Variants in CSMD3 observed in about 807,000 individuals in gnomAD.
CSMD3 encodes the protein CUB and Sushi multiple domains 3.
In CSMD3, 177 loss-of-function variants were observed where a neutral mutation model predicts 435.2. That is an observed-to-expected ratio of 0.41 (90% CI 0.36 to 0.46). The LOEUF is 0.46. Among genes scored for constraint, CSMD3 ranks in the 20% least tolerant of loss-of-function variants. The pLI is 0.34. For synonymous variants in CSMD3, 1,656 were observed against 1,520.5 expected, an observed-to-expected ratio of 1.09 and a Z score of -2.07; for missense variants, 4,265 against 4,504.6, an observed-to-expected ratio of 0.95 and a Z score of 1.52.
At position 113,109,428 on chromosome 8, in the gene CSMD3, T is replaced by C. The variant is rs941016853; in HGVS notation, c.710-10465A>G. ...TGAACCTCTGAAATCAAAAATGATA[T>C]CTGCTTCTAAAATACAATGGTCAGA... On this transcript the variant is annotated intron_variant, in intron 4 of 70. Transcript: ENST00000297405. Among the ~76,000 whole-genome samples the C allele has an allele frequency of 4.6e-5, 7 of 152,178 alleles. No individual in the cohort carries two copies. The South Asian group carries it at 1.2e-3, about 27-fold the overall frequency.
chr8:113,260,187 G>A (rs550936954), intron 3 of CSMD3, among the ~76,000 whole-genome samples: 5 of 152,192 alleles, frequency 3.3e-5, no homozygotes, highest in African/African-American at 1.2e-4. Context: ...GTAACAGTAT[G>A]AGAATGGACC....
intron 42 of CSMD3, among the ~76,000 whole-genome samples, chr8:112,338,745 A>T (rs1270622198): frequency 6.6e-6 from 1 of 152,130 alleles, no homozygotes; most frequent in Non-Finnish European, 1.5e-5. Context: ...TGTCCTTTTC[A>T]TTTTAATTGA....
chr8:112,893,629 A>G (rs1310470084), intron 10 of CSMD3, among the ~76,000 whole-genome samples: 1 of 151,466 alleles, frequency 6.6e-6, no homozygotes, highest in East Asian at 2.0e-4. Context: ...CATATTTTGC[A>G]TATTCTCTGA....
At chr8:112,822,926 T>C (rs907654467) in intron 12 of CSMD3, among the ~76,000 whole-genome samples, 1 of 152,208 alleles carries the variant, frequency 6.6e-6, no homozygotes, top group Admixed American at 6.5e-5. Flanking sequence ...TCTTTTGTGA[T>C]GGATTACACT....
chr8:113,024,298 GTGTGTGTGTGTGTGTGTGTGTT>G (rs1398148458), intron 5 of CSMD3, among the ~76,000 whole-genome samples: 3 of 1,188 alleles, frequency 2.5e-3, no homozygotes, highest in South Asian at 0.042. Context: ...TTGTGTGTGT[GTGTGTGTGTGTGTGTGTGTGTT>G]TGTGTGTGTG....
At chr8:113,014,507 A>C (rs1037993790) in intron 6 of CSMD3, among the ~76,000 whole-genome samples, 4 of 152,048 alleles carry the variant, frequency 2.6e-5, no homozygotes, top group Non-Finnish European at 5.9e-5. Flanking sequence ...CTTATCAAGA[A>C]AAAATTAAAA....
intron 3 of CSMD3, among the ~76,000 whole-genome samples, chr8:113,204,106 G>C (rs2092744520): frequency 1.3e-5 from 2 of 152,032 alleles, no homozygotes; most frequent in Admixed American, 1.3e-4. Flanking sequence ...ATCATGAAGA[G>C]GTAGGTATCT....
At chr8:113,256,822 T>C (rs755745273) in intron 3 of CSMD3, among the ~76,000 whole-genome samples, 9 of 152,196 alleles carry the variant, frequency 5.9e-5, no homozygotes, top group Non-Finnish European at 1.3e-4. Context: ...TACAAGATTT[T>C]GCATTAAGTG....
At chr8:112,614,754 T>C (rs1026387449) in intron 22 of CSMD3, among the ~76,000 whole-genome samples, 7 of 152,240 alleles carry the variant, frequency 4.6e-5, no homozygotes, top group African/African-American at 1.4e-4. Flanking sequence ...TTAGTTTAAA[T>C]CCCATGTTCT....
At chr8:112,567,656 T>C (rs1444562645) in intron 24 of CSMD3, among the ~76,000 whole-genome samples, 1 of 152,164 alleles carries the variant, frequency 6.6e-6, no homozygotes, top group Admixed American at 6.6e-5. Flanking sequence ...ACACCAGATT[T>C]AGAAATCATT....
intron 28 of CSMD3, among the ~76,000 whole-genome samples, chr8:112,508,658 G>GA (rs1007495386): frequency 1.7e-4 from 26 of 151,244 alleles, no homozygotes; most frequent in African/African-American, 3.2e-4. Flanking sequence ...TCTAAAAAAA[G>GA]AAAAAAAAGC....
intron 22 of CSMD3, among the ~76,000 whole-genome samples, chr8:112,632,236 C>A (rs2074534852): frequency 6.6e-6 from 1 of 151,928 alleles, no homozygotes; most frequent in Admixed American, 6.6e-5. Context: ...TTGCTCTCTT[C>A]ATTTTTAAAC....
At chr8:112,984,304 ACAAAAAC>A (rs1310939408) in intron 6 of CSMD3, among the ~76,000 whole-genome samples, 5 of 152,048 alleles carry the variant, frequency 3.3e-5, no homozygotes, top group African/African-American at 1.2e-4. Flanking sequence ...AAAAGAACAA[ACAAAAAC>A]TGTCTTTTAA....
intron 24 of CSMD3, among the ~76,000 whole-genome samples, chr8:112,566,884 A>G (rs1829103980): frequency 6.6e-6 from 1 of 152,102 alleles, no homozygotes; most frequent in Non-Finnish European, 1.5e-5. Flanking sequence ...TGGACCTATG[A>G]AAATCAGACA....
At chr8:113,414,452 G>A (rs1324916553) in intron 1 of CSMD3, among the ~76,000 whole-genome samples, 1 of 151,808 alleles carries the variant, frequency 6.6e-6, no homozygotes. Flanking sequence ...GATACAGCCT[G>A]AATTATTTTT....
chr8:112,651,283 A>G (rs2131637439), intron 18 of CSMD3, among the ~76,000 whole-genome samples: 1 of 152,346 alleles, frequency 6.6e-6, no homozygotes, highest in South Asian at 2.1e-4. Context: ...TCATATTTAT[A>G]TGAGAAAATA....
intron 3 of CSMD3, among the ~76,000 whole-genome samples, chr8:113,218,466 C>CAAAAAAAAAAAAA (rs35840130): frequency 1.1e-5 from 1 of 94,830 alleles, no homozygotes; most frequent in Non-Finnish European, 2.5e-5. Context: ...TAAAGTGCTA[C>CAAAAAAAAAAAAA]AAAAAAAAAA....
At chr8:112,581,298 C>G (rs1337965721) in intron 23 of CSMD3, among the ~76,000 whole-genome samples, 3 of 151,926 alleles carry the variant, frequency 2.0e-5, no homozygotes. Flanking sequence ...AAAGCCCATT[C>G]TTAATGACAA....
At chr8:112,938,429 C>T (rs1164019201) in intron 9 of CSMD3, among the ~76,000 whole-genome samples, 3 of 152,080 alleles carry the variant, frequency 2.0e-5, no homozygotes, top group Non-Finnish European at 2.9e-5. Context: ...TTGACTTTAA[C>T]AGAGCCAAGA....
Sources: allele counts gnomAD v4.1 joint callset (sites outside exome capture counted in the v4.1 genomes callset), GRCh38; gene constraint gnomAD v4.1.1; transcripts MANE v1.5; gene names NCBI Gene and HGNC (gene_info 2026-07-23, HGNC 2026-07-21).